MYO9B: variants seen among roughly 807,000 people sequenced by gnomAD.
MYO9B encodes unconventional myosin-IXb.
A neutral mutation model predicts 229.5 loss-of-function variants in MYO9B; 71 were observed. That is an observed-to-expected ratio of 0.31 (90% CI 0.26 to 0.38). The LOEUF (loss-of-function observed/expected upper bound fraction) is 0.38. Among genes scored for constraint, MYO9B ranks in the 10% least tolerant of loss-of-function variants. The pLI is 1.00. For synonymous variants in MYO9B, 1,185 were observed against 1,235.8 expected (o/e 0.96, Z 0.86); for missense variants, 2,255 against 2,920.5 (o/e 0.77, Z 5.25).
intron 9 of MYO9B, 139 bp downstream of exon 9, chr19:17,162,605 C>T (rs1295880050): frequency 1.3e-6 from 1 of 745,234 alleles, no homozygotes; most frequent in Non-Finnish European, 2.2e-6. Flanking sequence ...AGGACAGGCC[C>T]AGGAAACAGG....
At chr19:17,196,735 G>T (rs1452783892) in intron 22 of MYO9B, among the ~76,000 whole-genome samples, 1 of 151,766 alleles carries the variant, frequency 6.6e-6, no homozygotes, top group Admixed American at 6.6e-5. Flanking sequence ...AGATGCCGAC[G>T]ATAGATGGAT....
intron 1 of MYO9B, among the ~76,000 whole-genome samples, chr19:17,087,283 G>C (rs1244902383): frequency 6.6e-6 from 1 of 152,154 alleles, no homozygotes; most frequent in Non-Finnish European, 1.5e-5. Context: ...ACACATACCT[G>C]GGAAGGGACT....
At chr19:17,179,443 T>TTTTTTG (rs1249079070) in intron 14 of MYO9B, among the ~76,000 whole-genome samples, 2 of 137,110 alleles carry the variant, frequency 1.5e-5, no homozygotes, top group Non-Finnish European at 3.1e-5. Context: ...TTTTTTTTTT[T>TTTTTTG]TTAGACAGAG....
At chr19:17,078,425 A>G (rs960058422) in intron 1 of MYO9B, among the ~76,000 whole-genome samples, 2 of 152,180 alleles carry the variant, frequency 1.3e-5, no homozygotes, top group Non-Finnish European at 2.9e-5. Flanking sequence ...CTGTAGTCCC[A>G]GCTACTCTGG....
intron 1 of MYO9B, among the ~76,000 whole-genome samples, chr19:17,077,999 A>T (rs1194532568): frequency 6.6e-6 from 1 of 152,082 alleles, no homozygotes; most frequent in Admixed American, 6.5e-5. Context: ...GCAGGTAGAG[A>T]CGTGGGAATC....
intron 1 of MYO9B, among the ~76,000 whole-genome samples, chr19:17,086,474 G>A (rs191954356): frequency 2.8e-4 from 42 of 152,310 alleles, no homozygotes; most frequent in African/African-American, 9.6e-4. Context: ...TCGTATTGGG[G>A]CCAATTATTT....
chr19:17,206,346 G>C lies in MYO9B; in HGVS notation c.5356G>C (p.Ala1786Pro), dbSNP rs756456828. 105 of 1,610,354 alleles carry C rather than the reference G, an allele frequency of 6.5e-5. No individual in the cohort carries two copies. The African/African-American group carries it at 1.2e-3, about 19-fold the overall frequency. ...GCTGCCCGAGCCCCTCATGACCTTC[G>C]CACAGTACGGCGACTTCCTCCGAGC... ...RELPEPLMTF[A>P]QYGDFLRAVE... Residue 1786 changes from alanine (A) to proline (P), a missense_variant, in exon 33 of 40, where the codon GCA (alanine) becomes CCA (proline). By Grantham distance (27) the Ala-to-Pro change is conservative (BLOSUM62 -1). This residue lies in a region of MYO9B where 416 missense variants were observed against 605.5 expected (regional missense o/e 0.69). Coordinates refer to ENST00000682292, the MANE Select transcript of MYO9B (RefSeq NM_004145.4).
intron 15 of MYO9B, among the ~76,000 whole-genome samples, chr19:17,182,667 C>A (rs1375269022): frequency 1.8e-4 from 27 of 151,810 alleles, no homozygotes; most frequent in Admixed American, 1.8e-3. Context: ...CGGCCTCAAA[C>A]TTTTGTCCTT....
At chr19:17,126,802 T>A (rs2145152354) in intron 2 of MYO9B, among the ~76,000 whole-genome samples, 1 of 151,238 alleles carries the variant, frequency 6.6e-6, no homozygotes, top group East Asian at 2.0e-4. Context: ...TAGCTGGGAC[T>A]ACAGGCGCCC....
intron 2 of MYO9B, among the ~76,000 whole-genome samples, chr19:17,133,575 G>C (rs1472009539): frequency 1.3e-5 from 2 of 151,896 alleles, no homozygotes; most frequent in Non-Finnish European, 2.9e-5. Flanking sequence ...TTCTGCCTCA[G>C]CCTCCTGAGT....
intron 2 of MYO9B, among the ~76,000 whole-genome samples, chr19:17,107,162 A>G (rs900984180): frequency 6.6e-6 from 1 of 152,132 alleles, no homozygotes; most frequent in Non-Finnish European, 1.5e-5. Flanking sequence ...TTGAGCCCAG[A>G]AGTTCAAGAC....
intron 2 of MYO9B, among the ~76,000 whole-genome samples, chr19:17,130,053 C>T (rs2072175035): frequency 6.6e-6 from 1 of 152,126 alleles, no homozygotes; most frequent in Admixed American, 6.5e-5. Flanking sequence ...TCCATGGCCT[C>T]AAGCGATCCT....
chr19:17,124,777 AAG>A (rs1402451849), intron 2 of MYO9B, among the ~76,000 whole-genome samples: 3 of 151,338 alleles, frequency 2.0e-5, no homozygotes. Context: ...AAAAAAAAAA[AAG>A]GTACAAACAG....
Position 17,202,208 on chromosome 19 carries a change from G to A in MYO9B, c.4741G>A (p.Gly1581Ser). 2.5e-6 allele frequency: 4 copies of A among 1,612,902 alleles called. No homozygotes were observed. The highest frequency in any genetic ancestry group is 1.7e-4 in the Middle Eastern group (1 of 6,056). ...IVVSNLATER[G>S]QKDTNLVLNL... Reference sequence around the variant, plus strand: ...CGTCAGCAACCTGGCCACTGAGCGTGGCCAGAAGGACACCAACCTGGTCCT... The same window carrying A: ...CGTCAGCAACCTGGCCACTGAGCGTAGCCAGAAGGACACCAACCTGGTCCT... The change falls in exon 28 of 40, where the codon GGC becomes AGC. Residue 1581 changes from glycine to serine, a missense_variant. Gly to Ser is a moderately conservative substitution (Grantham distance 56). This residue lies in a region of MYO9B where 416 missense variants were observed against 605.5 expected (regional missense o/e 0.69). Transcript: ENST00000682292.
chr19:17,201,504 G>C (rs1197982699), intron 26 of MYO9B, among the ~76,000 whole-genome samples: 1 of 152,138 alleles, frequency 6.6e-6, no homozygotes, highest in Non-Finnish European at 1.5e-5. Flanking sequence ...CCATCCTAAG[G>C]TATGGCTGGG....
At chr19:17,117,026 TA>T (rs1258162429) in intron 2 of MYO9B, among the ~76,000 whole-genome samples, 2 of 152,142 alleles carry the variant, frequency 1.3e-5, no homozygotes, top group Non-Finnish European at 2.9e-5. Flanking sequence ...TTAAGCACCA[TA>T]AAAAGGTCTC....
At chr19:17,090,765 G>T (rs1357386276) in intron 1 of MYO9B, among the ~76,000 whole-genome samples, 1 of 152,112 alleles carries the variant, frequency 6.6e-6, no homozygotes, top group Non-Finnish European at 1.5e-5. Flanking sequence ...TCGGTTTAAG[G>T]AAGGAAACAC....
chr19:17,145,344 G>A, intron 2 of MYO9B, 53 bp from the exon 3 acceptor site: 1 of 1,490,016 alleles, frequency 6.7e-7, no homozygotes, highest in Middle Eastern at 1.7e-4. Flanking sequence ...GGAAAAAAAA[G>A]AAAAAGAAAT....
At chr19:17,159,195 A>G in intron 7 of MYO9B, among the ~76,000 whole-genome samples, 200 bp from the exon 8 acceptor site, 1 of 145,990 alleles carries the variant, frequency 6.8e-6, no homozygotes, top group Non-Finnish European at 1.5e-5. Flanking sequence ...CTCTGTCTCA[A>G]ACAAACAAAC....
Sources: gnomAD v4.1 joint callset for allele counts (sites outside exome capture counted in the v4.1 genomes callset) on GRCh38, gnomAD v4.1.1 for gene constraint, gnomAD v4.1.1 regional missense constraint, MANE v1.5 for transcripts, NCBI Gene and HGNC (gene_info 2026-07-23, HGNC 2026-07-21) for gene names.